Variants in THADA observed in about 807,000 individuals in gnomAD.
The protein encoded by THADA is THADA armadillo repeat containing, also known as tRNA (32-2'-O)-methyltransferase regulator THADA.
Under a neutral mutation model 219.8 loss-of-function variants are expected in THADA, and 213 were observed. The ratio of observed to expected loss-of-function variants is 0.97; its 90% CI spans 0.87 to 1.09. The LOEUF is 1.09. Ranked by LOEUF, THADA falls within the 50% of genes least tolerant of loss-of-function variation. THADA has a pLI of 0.00. For synonymous variants in THADA, 1,018 were observed against 828.9 expected (o/e 1.23, Z -3.92); for missense variants, 2,956 against 2,311.3 (o/e 1.28, Z -5.72).
intron 21 of THADA, among the ~76,000 whole-genome samples, chr2:43,538,756 T>A (rs1281898578): frequency 6.6e-6 from 1 of 152,180 alleles, no homozygotes; most frequent in African/African-American, 2.4e-5. Flanking sequence ...CTTCCTCTTG[T>A]CCAAGAGAGC....
At chr2:43,305,438 T>G (rs187296679) in intron 31 of THADA, among the ~76,000 whole-genome samples, 3 of 152,314 alleles carry the variant, frequency 2.0e-5, no homozygotes, top group Non-Finnish European at 2.9e-5. Flanking sequence ...TTGGTTTGTT[T>G]CTGGTTCTCT....
chr2:43,479,599 A>G (rs1685942110), intron 26 of THADA, among the ~76,000 whole-genome samples: 1 of 151,488 alleles, frequency 6.6e-6, no homozygotes, highest in Non-Finnish European at 1.5e-5. Context: ...TAAGAGTTTT[A>G]TAGAGATAAA....
chr2:43,284,571 C>T (rs1673759068), intron 35 of THADA, among the ~76,000 whole-genome samples: 1 of 152,200 alleles, frequency 6.6e-6, no homozygotes, highest in South Asian at 2.1e-4. Context: ...CAGAAGTCTG[C>T]TGCAGGAGTG....
intron 30 of THADA, among the ~76,000 whole-genome samples, chr2:43,334,612 C>G: frequency 6.6e-6 from 1 of 152,068 alleles, no homozygotes. Flanking sequence ...CAACAAAGCA[C>G]TGGTCCCAAA....
At chr2:43,279,654 A>G in intron 36 of THADA, 111 bp downstream of exon 36, 1 of 1,376,122 alleles carries the variant, frequency 7.3e-7, no homozygotes, top group Non-Finnish European at 9.6e-7. Flanking sequence ...GAGTTGAGAC[A>G]CAGACCAAAT....
rs568579444 is a variant in THADA, at chr2:43,505,779, A to T, written c.3508-44T>A. 7 of 1,383,482 alleles carry T rather than the reference A, an allele frequency of 5.1e-6. No individual in the cohort carries two copies. The Admixed American group carries it at 7.9e-5, about 16-fold the overall frequency. 85.7% of individuals were successfully genotyped at this position (1,383,482 alleles called of 1,614,324 possible). ...AAAATTAACAGGGTTCTTAGTTTAC[A>T]TATACTTGTTTGCTGCTTCCCTGGA... On this transcript the variant is annotated intron_variant, in intron 23 of 37. Transcript: ENST00000405975.
At chr2:43,288,335 T>C (rs1572923822) in intron 34 of THADA, among the ~76,000 whole-genome samples, 1 of 152,212 alleles carries the variant, frequency 6.6e-6, no homozygotes, top group Non-Finnish European at 1.5e-5. Context: ...TGGGAACTGC[T>C]TGAAGCCAGG....
At chr2:43,512,568 T>C (rs2105110987) in intron 22 of THADA, among the ~76,000 whole-genome samples, 1 of 152,378 alleles carries the variant, frequency 6.6e-6, no homozygotes, top group South Asian at 2.1e-4. Flanking sequence ...AATGGCGCGA[T>C]CTTGCCTCAC....
chr2:43,575,829 C>T (rs552823370), intron 10 of THADA, among the ~76,000 whole-genome samples: 147 of 152,256 alleles, frequency 9.7e-4, no homozygotes, highest in Non-Finnish European at 2.0e-3. Flanking sequence ...AGCCACCATG[C>T]CCGGCCTACA....
chr2:43,256,624 T>C (rs1670342848), intron 36 of THADA, among the ~76,000 whole-genome samples: 1 of 151,678 alleles, frequency 6.6e-6, no homozygotes, highest in Admixed American at 6.6e-5. Context: ...TTTTTTTTTT[T>C]GGTAGAGACA....
intron 29 of THADA, among the ~76,000 whole-genome samples, chr2:43,348,003 G>T (rs984910015): frequency 3.3e-5 from 5 of 151,878 alleles, no homozygotes; most frequent in Non-Finnish European, 7.4e-5. Flanking sequence ...AGAAGGGGTG[G>T]AATGCCCAGG....
At chr2:43,307,471 C>G (rs950783797) in intron 31 of THADA, among the ~76,000 whole-genome samples, 1 of 152,222 alleles carries the variant, frequency 6.6e-6, no homozygotes, top group African/African-American at 2.4e-5. Flanking sequence ...TGCAGAACTG[C>G]AAGAAAGCAG....
Position 43,297,625 on chromosome 2 carries a change from C to A in THADA, c.4439-4412G>T, listed in dbSNP as rs569870539. ...GGGGTCAGCCCCCCGCCCGGCCAGC[C>A]CCCCCGTCCGGGAGGTGAGGGGCGC... On this transcript the variant is annotated intron_variant, in intron 31 of 37. Transcript: ENST00000405975. Among the ~76,000 whole-genome samples the A allele has an allele frequency of 1.2e-4, 12 of 102,640 alleles. 1 individual carries two copies. The highest frequency in any genetic ancestry group is 1.6e-4 in the Non-Finnish European group (8 of 51,542). The allele number at this position is 102,640 out of a possible 152,430, so 67.3% of individuals were successfully genotyped here.
intron 15 of THADA, among the ~76,000 whole-genome samples, chr2:43,561,728 A>G (rs947000008): frequency 7.3e-5 from 11 of 151,536 alleles, no homozygotes; most frequent in Admixed American, 5.2e-4. Flanking sequence ...TTCCAATCTC[A>G]CTGCTTTTTA....
intron 1 of THADA, among the ~76,000 whole-genome samples, chr2:43,594,185 A>C (rs1009484012): frequency 7.9e-5 from 12 of 152,192 alleles, no homozygotes; most frequent in African/African-American, 2.9e-4. Context: ...TTCTGTTTAC[A>C]ATCATCAAAG....
chr2:43,484,264 G>C (rs1269409908), intron 26 of THADA: 2 of 166,120 alleles, frequency 1.2e-5, no homozygotes, highest in African/African-American at 4.8e-5. Flanking sequence ...ATTATCACTA[G>C]TACATCACAA....
At chr2:43,478,901 A>G (rs191310386) in intron 26 of THADA, among the ~76,000 whole-genome samples, 2 of 152,346 alleles carry the variant, frequency 1.3e-5, no homozygotes, top group Admixed American at 6.5e-5. Context: ...CTAATAGGCC[A>G]AAGTGTCAGT....
Position 43,248,209 on chromosome 2 carries a change from A to AGAGAGG in THADA, c.5297-15328_5297-15327insCCTCTC, listed in dbSNP as rs1669443439. 6.2e-5 allele frequency among the ~76,000 whole-genome samples: 8 copies of AGAGAGG among 129,026 alleles called. No individual in the cohort carries two copies. The South Asian group carries it at 8.5e-4, about 14-fold the overall frequency. 84.6% of individuals were successfully genotyped at this position (129,026 alleles called of 152,430 possible). ...GAGAGAGAGAGAGAGAGAGAGAGAG[A>AGAGAGG]GAGAGACAGAGAGAGAGAGAGACAG... On this transcript the variant is annotated intron_variant, in intron 36 of 37. Coordinates refer to ENST00000405975, the MANE Select transcript of THADA (RefSeq NM_022065.5).
chr2:43,288,271 A>G (rs1368873065), intron 34 of THADA, among the ~76,000 whole-genome samples: 1 of 152,180 alleles, frequency 6.6e-6, no homozygotes, highest in African/African-American at 2.4e-5. Context: ...CACAAAAATT[A>G]GCTGGACATG....
Sources: gnomAD v4.1 joint callset for allele counts (sites outside exome capture counted in the v4.1 genomes callset) on GRCh38, gnomAD v4.1.1 for gene constraint, MANE v1.5 for transcripts, NCBI Gene and HGNC (gene_info 2026-07-23, HGNC 2026-07-21) for gene names.